CSNK2A2IP: variants seen among roughly 807,000 people sequenced by gnomAD.
CSNK2A2IP encodes the protein casein kinase 2 subunit alpha' interacting protein.
At chr3:88,402,807 T>C in the CSNK2A2IP span, among the ~76,000 whole-genome samples, 1 of 152,200 alleles carries the variant, frequency 6.6e-6, no homozygotes, top group Non-Finnish European at 1.5e-5. Flanking sequence ...GGGGGATGAT[T>C]GCACGGAATA....
chr3:88,377,399 C>G, the CSNK2A2IP span, among the ~76,000 whole-genome samples: 1 of 151,734 alleles, frequency 6.6e-6, no homozygotes, highest in African/African-American at 2.4e-5. Flanking sequence ...TCTGTTACGT[C>G]TATAACATTT....
the CSNK2A2IP span, among the ~76,000 whole-genome samples, chr3:88,378,190 CT>C: frequency 3.3e-5 from 5 of 151,996 alleles, no homozygotes; most frequent in East Asian, 9.7e-4. Flanking sequence ...CACTTTTACC[CT>C]TTATTGTCTC....
chr3:88,383,482 CTTCA>C, the CSNK2A2IP span, among the ~76,000 whole-genome samples: 1 of 152,010 alleles, frequency 6.6e-6, no homozygotes, highest in Non-Finnish European at 1.5e-5. Context: ...AGAGTCAAGT[CTTCA>C]TTATTTTTAG....
chr3:88,456,276 T>A, the CSNK2A2IP span, among the ~76,000 whole-genome samples: 1 of 152,082 alleles, frequency 6.6e-6, no homozygotes, highest in African/African-American at 2.4e-5. Context: ...TTTGTAGATT[T>A]TTTGGGTAGT....
At chr3:88,448,102 G>T in the CSNK2A2IP span, among the ~76,000 whole-genome samples, 3 of 152,306 alleles carry the variant, frequency 2.0e-5, no homozygotes, top group Middle Eastern at 3.4e-3. Context: ...ACCTGGTGGA[G>T]GGCATTTATT....
At chr3:88,406,235 T>G in the CSNK2A2IP span, among the ~76,000 whole-genome samples, 1 of 152,112 alleles carries the variant, frequency 6.6e-6, no homozygotes, top group Admixed American at 6.5e-5. Context: ...AAATTGAAAT[T>G]GAAACAATAA....
At chr3:88,453,844 ACTG>A in the CSNK2A2IP span, among the ~76,000 whole-genome samples, 1 of 152,060 alleles carries the variant, frequency 6.6e-6, no homozygotes, top group South Asian at 2.1e-4. Context: ...TCATTTGTCT[ACTG>A]ATGGATAGTA....
the CSNK2A2IP span, among the ~76,000 whole-genome samples, chr3:88,365,631 C>T: frequency 6.6e-6 from 1 of 152,086 alleles, no homozygotes; most frequent in Non-Finnish European, 1.5e-5. Context: ...AGAAAAGATC[C>T]TTATATCATT....
the CSNK2A2IP span, among the ~76,000 whole-genome samples, chr3:88,380,249 T>C: frequency 6.6e-6 from 1 of 151,884 alleles, no homozygotes; most frequent in Non-Finnish European, 1.5e-5. Context: ...ATCACTCCAT[T>C]TAGGCCAAAC....
chr3:88,432,601 A>G, the CSNK2A2IP span, among the ~76,000 whole-genome samples: 8 of 151,708 alleles, frequency 5.3e-5, no homozygotes, highest in Non-Finnish European at 2.9e-5. Flanking sequence ...AAGTATATCA[A>G]AACATGCTGC....
At chr3:88,466,902 A>C in the CSNK2A2IP span, 1 of 1,229,206 alleles carries the variant, frequency 8.1e-7, no homozygotes, top group Non-Finnish European at 1.0e-6. Context: ...AGGGCAAAAT[A>C]GAAGTGAAAT....
chr3:88,455,315 C>T, the CSNK2A2IP span, among the ~76,000 whole-genome samples: 439 of 151,902 alleles, frequency 2.9e-3, 2 homozygotes, highest in African/African-American at 9.9e-3. Context: ...AATGGCTGTA[C>T]CAATTTATAT....
the CSNK2A2IP span, among the ~76,000 whole-genome samples, chr3:88,463,505 A>T: frequency 6.6e-6 from 1 of 152,176 alleles, no homozygotes. Context: ...AATAACAGAC[A>T]CTTCTCAAAA....
chr3:88,446,827 T>C, the CSNK2A2IP span, among the ~76,000 whole-genome samples: 1 of 152,198 alleles, frequency 6.6e-6, no homozygotes, highest in South Asian at 2.1e-4. Flanking sequence ...TTTTTAACTA[T>C]GCTTTTATGT....
chr3:88,374,465 A>G, the CSNK2A2IP span, among the ~76,000 whole-genome samples: 1 of 151,676 alleles, frequency 6.6e-6, no homozygotes, highest in African/African-American at 2.4e-5. Context: ...GAGATCATCT[A>G]GGCAATAGGT....
chr3:88,411,350 C>T, the CSNK2A2IP span, among the ~76,000 whole-genome samples: 1 of 146,656 alleles, frequency 6.8e-6, no homozygotes, highest in Admixed American at 7.0e-5. Context: ...CTCTATCTAT[C>T]ATCTATCTAT....
the CSNK2A2IP span, among the ~76,000 whole-genome samples, chr3:88,370,012 G>A: frequency 2.0e-5 from 3 of 151,838 alleles, no homozygotes; most frequent in African/African-American, 2.4e-5. Flanking sequence ...AGAACACTTG[G>A]CAGTATATCA....
the CSNK2A2IP span, among the ~76,000 whole-genome samples, chr3:88,461,613 G>C: frequency 6.6e-6 from 1 of 152,072 alleles, no homozygotes; most frequent in Non-Finnish European, 1.5e-5. Flanking sequence ...TTCCAAAGGA[G>C]TTGTATCAAC....
the CSNK2A2IP span, among the ~76,000 whole-genome samples, chr3:88,359,989 G>C: frequency 6.6e-6 from 1 of 151,912 alleles, no homozygotes; most frequent in Admixed American, 6.6e-5. Flanking sequence ...ATTGTTTAGG[G>C]GTGAATCTCT....
Sources: gnomAD v4.1 joint callset for allele counts (sites outside exome capture counted in the v4.1 genomes callset) on GRCh38, gnomAD v4.1.1 for gene constraint, MANE v1.5 for transcripts, NCBI Gene and HGNC (gene_info 2026-07-23, HGNC 2026-07-21) for gene names.